ATP8A2: variants seen among roughly 807,000 people sequenced by gnomAD.
ATP8A2 encodes the protein ATPase phospholipid transporting 8A2.
Under a neutral mutation model 165.6 loss-of-function variants are expected in ATP8A2, and 100 were observed. The ratio of observed to expected loss-of-function variants is 0.60; its 90% CI spans 0.51 to 0.71. The LOEUF (loss-of-function observed/expected upper bound fraction) is 0.71. ATP8A2 is among the 30% of genes least tolerant of loss of function. The pLI is 0.00. For synonymous variants in ATP8A2, 543 were observed against 548.8 expected, an observed-to-expected ratio of 0.99 and a Z score of 0.15; for missense variants, 1,227 against 1,479.5, an observed-to-expected ratio of 0.83 and a Z score of 2.80.
chr13:25,712,002 C>T (rs1042701981), intron 25 of ATP8A2, among the ~76,000 whole-genome samples: 1 of 152,124 alleles, frequency 6.6e-6, no homozygotes, highest in Non-Finnish European at 1.5e-5. Context: ...CTCCCAGTTA[C>T]AGGCTATCAA....
chr13:25,680,159 C>T (rs1413732112), intron 24 of ATP8A2, among the ~76,000 whole-genome samples: 1 of 152,014 alleles, frequency 6.6e-6, no homozygotes, highest in African/African-American at 2.4e-5. Context: ...GAGTCCTAAA[C>T]CCCCCTGCAC....
intron 2 of ATP8A2, among the ~76,000 whole-genome samples, chr13:25,505,169 A>G (rs1481628858): frequency 9.5e-6 from 1 of 105,348 alleles, no homozygotes; most frequent in African/African-American, 3.7e-5. Flanking sequence ...CTTCTATTAG[A>G]TTTGTTAAGT....
At chr13:25,492,236 T>C (rs976696522) in intron 2 of ATP8A2, among the ~76,000 whole-genome samples, 1 of 152,090 alleles carries the variant, frequency 6.6e-6, no homozygotes, top group Non-Finnish European at 1.5e-5. Context: ...TTTGTATTTT[T>C]GTAGAGATGG....
chr13:25,807,978 T>A (rs1410559118), intron 27 of ATP8A2, among the ~76,000 whole-genome samples: 1 of 152,222 alleles, frequency 6.6e-6, no homozygotes, highest in Non-Finnish European at 1.5e-5. Context: ...ACAGTAGCCA[T>A]GCACTTTAGT....
intron 33 of ATP8A2, among the ~76,000 whole-genome samples, chr13:25,885,269 TGCCTG>T (rs1339884571): frequency 8.8e-5 from 12 of 136,860 alleles, no homozygotes; most frequent in African/African-American, 3.6e-4. Flanking sequence ...CCCACCAGCA[TGCCTG>T]GCTAATTTTT....
At chr13:25,609,565 T>TCAAATATATATATATATTTGGATC (rs1555230008) in intron 24 of ATP8A2, among the ~76,000 whole-genome samples, 1 of 120,770 alleles carries the variant, frequency 8.3e-6, no homozygotes, top group Non-Finnish European at 1.8e-5. Flanking sequence ...ATATTTGGAT[T>TCAAATATATATATATATTTGGATC]CAAATATATA....
At chr13:25,411,624 T>A (rs2033967146) in intron 1 of ATP8A2, among the ~76,000 whole-genome samples, 1 of 152,208 alleles carries the variant, frequency 6.6e-6, no homozygotes, top group African/African-American at 2.4e-5. Context: ...GGGAAGATGC[T>A]CAGAATGTAT....
chr13:25,671,071 T>A (rs1349180766), intron 24 of ATP8A2, among the ~76,000 whole-genome samples: 2 of 152,236 alleles, frequency 1.3e-5, no homozygotes, highest in African/African-American at 4.8e-5. Flanking sequence ...GAACGTGGAT[T>A]GTGAAAATTT....
At chr13:25,923,293 T>C (rs1954512729) in intron 33 of ATP8A2, among the ~76,000 whole-genome samples, 1 of 152,224 alleles carries the variant, frequency 6.6e-6, no homozygotes, top group East Asian at 1.9e-4. Flanking sequence ...TATTAAAGTC[T>C]TTTATTTCAC....
chr13:25,776,676 G>A (rs1427508842), intron 27 of ATP8A2, among the ~76,000 whole-genome samples: 1 of 152,030 alleles, frequency 6.6e-6, no homozygotes, highest in Non-Finnish European at 1.5e-5. Flanking sequence ...ACTCCTCAAC[G>A]TCACTCAAGG....
chr13:25,904,836 C>T (rs955414992), intron 33 of ATP8A2, among the ~76,000 whole-genome samples: 1 of 152,224 alleles, frequency 6.6e-6, no homozygotes, highest in African/African-American at 2.4e-5. Context: ...GATTTATCCT[C>T]AACATTCAGC....
chr13:25,789,217 G>A (rs920291946), intron 27 of ATP8A2, among the ~76,000 whole-genome samples: 3 of 152,168 alleles, frequency 2.0e-5, no homozygotes, highest in African/African-American at 7.2e-5. Flanking sequence ...AATAGCATAT[G>A]CAGTCACTAC....
chr13:25,561,957 C>T (rs1398783504), intron 15 of ATP8A2, among the ~76,000 whole-genome samples: 1 of 152,164 alleles, frequency 6.6e-6, no homozygotes, highest in Non-Finnish European at 1.5e-5. Flanking sequence ...AATCTTCTCC[C>T]TTTGGAAGGC....
At chr13:25,941,181 C>G (rs1955061200) in intron 33 of ATP8A2, among the ~76,000 whole-genome samples, 1 of 152,172 alleles carries the variant, frequency 6.6e-6, no homozygotes, top group Non-Finnish European at 1.5e-5. Flanking sequence ...GGGGACACTT[C>G]CCCCTCCCAT....
At chr13:25,428,557 C>T (rs953993589) in intron 1 of ATP8A2, among the ~76,000 whole-genome samples, 15 of 152,152 alleles carry the variant, frequency 9.9e-5, no homozygotes, top group African/African-American at 3.4e-4. Context: ...CAGGGAACAC[C>T]GTCTCACCCT....
At chr13:25,905,503 G>A (rs200776733) in intron 33 of ATP8A2, among the ~76,000 whole-genome samples, 19 of 151,948 alleles carry the variant, frequency 1.3e-4, no homozygotes, top group Non-Finnish European at 2.4e-4. Context: ...AGCAGTAGCC[G>A]TCCTGCCTGG....
At chr13:25,932,048 C>CA (rs112829843) in intron 33 of ATP8A2, among the ~76,000 whole-genome samples, 45,253 of 124,888 alleles carry the variant, frequency 0.36, 7,464 homozygotes, top group African/African-American at 0.43. Flanking sequence ...AACTCCATCT[C>CA]AAAAAAAAAA....
intron 1 of ATP8A2, among the ~76,000 whole-genome samples, chr13:25,431,999 T>C (rs559443077): frequency 5.4e-4 from 82 of 152,292 alleles, no homozygotes; most frequent in African/African-American, 2.0e-3. Flanking sequence ...TGTGTGGCCT[T>C]TGTGTTTGGT....
chr13:25,476,002 G>A (rs1022725735), intron 2 of ATP8A2, among the ~76,000 whole-genome samples: 10 of 152,112 alleles, frequency 6.6e-5, no homozygotes, highest in African/African-American at 2.4e-4. Context: ...TTATTTTGCT[G>A]TGCAGAAGCC....
Sources: gnomAD v4.1 joint callset for allele counts (sites outside exome capture counted in the v4.1 genomes callset) on GRCh38, gnomAD v4.1.1 for gene constraint, MANE v1.5 for transcripts, NCBI Gene and HGNC (gene_info 2026-07-23, HGNC 2026-07-21) for gene names.